Variants in TRIM14 observed in about 807,000 individuals in gnomAD.
TRIM14 encodes the protein tripartite motif containing 14.
Under a neutral mutation model 44.5 loss-of-function variants are expected in TRIM14, and 28 were observed. The observed-to-expected ratio is 0.63, with a 90% CI of 0.47 to 0.86. The LOEUF (loss-of-function observed/expected upper bound fraction) is 0.86, where lower values mean the gene tolerates loss of function less well. Among genes scored for constraint, TRIM14 ranks in the 40% least tolerant of loss-of-function variants. The probability of loss-of-function intolerance (pLI) is 0.00; values close to 1 mark genes in which losing one functional copy is unlikely to be tolerated. For missense variants in TRIM14, 607 were observed against 611.1 expected (o/e 0.99, Z 0.07); for synonymous variants, 299 against 269.2 (o/e 1.11, Z -1.08).
At position 98,099,990 on chromosome 9, in the gene TRIM14, C is replaced by T. The variant is rs200179824; in HGVS notation, c.478G>A (p.Asp160Asn). Residue 160 changes from aspartate (D) to asparagine (N), a missense_variant, in exon 3 of 6, where the codon GAT becomes AAT. Coordinates refer to ENST00000341469, the MANE Select transcript of TRIM14 (RefSeq NM_014788.4). ...ATACTCCAGACCCTGTTGGAGAGATCATTCATGATGTCAAGTTGCTCTCTG... is the reference window on the plus strand; with the variant it reads ...ATACTCCAGACCCTGTTGGAGAGATTATTCATGATGTCAAGTTGCTCTCTG... ...SCREQLDIMN[D>N]LSNRVWSISQ... 3.7e-5 allele frequency: 60 copies of T among 1,614,192 alleles called. No individual in the cohort carries two copies. The East Asian group carries it at 1.3e-3, about 35-fold the overall frequency.
At chr9:98,103,788 A>T (rs961070764) in intron 2 of TRIM14, among the ~76,000 whole-genome samples, 3 of 141,718 alleles carry the variant, frequency 2.1e-5, no homozygotes, top group Admixed American at 7.4e-5. Flanking sequence ...CAGTGAGCCG[A>T]GATTGTGCTA....
chr9:98,083,451 C>CTT (rs1463213875), downstream of TRIM14, among the ~76,000 whole-genome samples: 1 of 152,232 alleles, frequency 6.6e-6, no homozygotes, highest in Non-Finnish European at 1.5e-5. Context: ...TCTCCATTGT[C>CTT]TTTATCCCTT....
rs1165378515 is a variant in TRIM14 at position 98,087,233 on chromosome 9, G to T, written c.*237C>A. ...TTAAAGTAGTGTAAGTGATGGTGGG[G>T]TGAGGGTGCGGAGGTCTGATGAGAG... On this transcript the variant is annotated 3_prime_UTR_variant, in exon 6 of 6. Coordinates refer to ENST00000341469, the MANE Select transcript of TRIM14 (RefSeq NM_014788.4). 1 of 781,490 alleles carries T rather than the reference G, an allele frequency of 1.3e-6. No homozygotes were observed. The highest frequency in any genetic ancestry group is 1.7e-5 in the Admixed American group (1 of 58,692). 48.4% of individuals were successfully genotyped at this position (781,490 alleles called of 1,614,324 possible). A position where few individuals can be genotyped will look rare whatever the true frequency, so the allele number is the denominator to read the frequency against.
the TRIM14 span, among the ~76,000 whole-genome samples, chr9:98,051,628 C>T: frequency 4.6e-5 from 7 of 152,084 alleles, no homozygotes; most frequent in African/African-American, 1.7e-4. Flanking sequence ...GTGAAGGCCT[C>T]CTGGCAATGA....
At chr9:98,110,053 G>T (rs565887054) in intron 1 of TRIM14, 69 bp from the exon 2 acceptor site, 3 of 1,181,064 alleles carry the variant, frequency 2.5e-6, no homozygotes, top group South Asian at 1.2e-5. Flanking sequence ...CCCCCACAGG[G>T]GTCACCTCCT....
the TRIM14 span, among the ~76,000 whole-genome samples, chr9:98,046,091 C>T: frequency 1.3e-5 from 2 of 152,180 alleles, no homozygotes; most frequent in South Asian, 4.1e-4. Context: ...TTTGGAAATT[C>T]ACAGGGATTT....
chr9:98,046,503 G>A, the TRIM14 span, among the ~76,000 whole-genome samples: 6 of 151,842 alleles, frequency 4.0e-5, no homozygotes, highest in Non-Finnish European at 7.4e-5. Context: ...GTGCAATGGC[G>A]TGATCTCGGC....
At chr9:98,050,452 AC>A in the TRIM14 span, among the ~76,000 whole-genome samples, 1 of 152,042 alleles carries the variant, frequency 6.6e-6, no homozygotes, top group East Asian at 1.9e-4. Flanking sequence ...TTATGCTGGA[AC>A]CTCCTGTTTA....
downstream of TRIM14, chr9:98,083,066 C>T (rs1829961252): frequency 1.2e-6 from 2 of 1,612,246 alleles, no homozygotes; most frequent in Admixed American, 1.7e-5. Context: ...AAATAAAGTG[C>T]CATTCTCTGA....
At chr9:98,094,804 C>T (rs983314341) in intron 4 of TRIM14, 63 bp downstream of exon 4, 21 of 1,546,020 alleles carry the variant, frequency 1.4e-5, no homozygotes, top group African/African-American at 6.8e-5. Flanking sequence ...TCTTTGCATT[C>T]GTCTCTGGGC....
At chr9:98,078,779 G>A (rs1829709773) in intron 6 of TRIM14, among the ~76,000 whole-genome samples, 1 of 149,008 alleles carries the variant, frequency 6.7e-6, no homozygotes, top group South Asian at 2.1e-4. Flanking sequence ...AGGTTGCAGT[G>A]AGCCGAGATT....
chr9:98,099,934 A>G lies in TRIM14; in HGVS notation c.534T>C (p.Leu178=). The G allele has an allele frequency of 6.2e-7, 1 of 1,612,014 alleles. No individual in the cohort carries two copies. Among genetic ancestry groups the G allele is most frequent in the Non-Finnish European group, 8.5e-7 (1 of 1,179,218 alleles). The change falls in exon 3 of 6, where the codon CTT becomes CTC. Residue 178 remains leucine (L), a synonymous_variant. Coordinates refer to ENST00000341469, the MANE Select transcript of TRIM14 (RefSeq NM_014788.4). The part of the protein sequence containing the change: ...ISQEPDPVQR[L]QAYTATEQEM... ...AGAGCAGTGACCCCAGCATTACCTG[A>G]AGCCTCTGGACAGGATCGGGCTCCT...
rs778608776 is a variant in TRIM14 at position 98,087,721 on chromosome 9, G to A, written c.1078C>T (p.Gln360Ter). 2.5e-6 allele frequency: 4 copies of A among 1,592,514 alleles called. No individual in the cohort carries two copies. The highest frequency in any genetic ancestry group is 3.4e-6 in the Non-Finnish European group (4 of 1,176,214). The part of the protein sequence containing the change: ...SAAARLGCNR[Q>*]SWCLKRYDLE... ...TCGTAGCGCTTGAGGCACCAGGACT[G>A]GCGGTTGCAGCCCAGGCGGGCGGCG... Residue 360 changes from glutamine to a stop codon, truncating the protein, a stop_gained, in exon 6 of 6, where the codon CAG (glutamine) becomes TAG (stop). Coordinates refer to ENST00000341469, the MANE Select transcript of TRIM14 (RefSeq NM_014788.4). LOFTEE classifies it high-confidence loss of function.
downstream of TRIM14, among the ~76,000 whole-genome samples, chr9:98,068,037 G>C (rs1829201058): frequency 6.6e-6 from 1 of 151,970 alleles, no homozygotes; most frequent in Non-Finnish European, 1.5e-5. Context: ...TCACTTACTT[G>C]ATAGTGTCCT....
chr9:98,094,088 T>C (rs1372778128), intron 4 of TRIM14, among the ~76,000 whole-genome samples: 1 of 152,156 alleles, frequency 6.6e-6, no homozygotes, highest in Non-Finnish European at 1.5e-5. Context: ...TCACCTGACA[T>C]GTTTGTGTAC....
chr9:98,087,936 G>A lies in TRIM14; in HGVS notation c.863C>T (p.Thr288Met), dbSNP rs752551468. ...ARLRLSADRLTVRCGLLGSLG... is the reference protein window; with the variant it reads ...ARLRLSADRLMVRCGLLGSLG... Reference sequence around the variant, plus strand: ...GCTGCCCAGCAGGCCGCAGCGCACCGTCAGGCGATCGGCGGACAGGCGCAG... The same window carrying A: ...GCTGCCCAGCAGGCCGCAGCGCACCATCAGGCGATCGGCGGACAGGCGCAG... The change falls in exon 6 of 6, where the codon ACG becomes ATG. Residue 288 changes from threonine to methionine, a missense_variant. Around this residue, in one of 3 missense-constraint regions of TRIM14, gnomAD observed 356 missense variants for 323.0 expected, o/e 1.10. Transcript: ENST00000341469. 3.2e-6 allele frequency: 5 copies of A among 1,566,616 alleles called. No individual in the cohort carries two copies. Among genetic ancestry groups the A allele is most frequent in the Admixed American group, 1.8e-5 (1 of 56,382 alleles).
intron 5 of TRIM14, among the ~76,000 whole-genome samples, chr9:98,090,560 CTTTTTT>C (rs56909266): frequency 4.8e-5 from 6 of 124,278 alleles, no homozygotes; most frequent in African/African-American, 1.2e-4. Context: ...GATTTGTGCA[CTTTTTT>C]TTTTTTTTTT....
intron 2 of TRIM14, among the ~76,000 whole-genome samples, chr9:98,100,491 T>G (rs1826350510): frequency 6.6e-6 from 1 of 152,210 alleles, no homozygotes; most frequent in South Asian, 2.1e-4. Flanking sequence ...ATAAATTTGA[T>G]GAAATTCTAA....
chr9:98,081,011 C>G (rs1269279312), downstream of TRIM14: 3 of 1,614,196 alleles, frequency 1.9e-6, no homozygotes, highest in Non-Finnish European at 2.5e-6. Flanking sequence ...GCGGTCAGTG[C>G]GTCTTGTGGA....
Sources: gnomAD v4.1 joint callset for allele counts (sites outside exome capture counted in the v4.1 genomes callset) on GRCh38, gnomAD v4.1.1 for gene constraint, gnomAD v4.1.1 regional missense constraint, MANE v1.5 for transcripts, NCBI Gene and HGNC (gene_info 2026-07-23, HGNC 2026-07-21) for gene names.